The following C10orf71 variants were observed in gnomAD, a reference collection of about 807,000 sequenced individuals.
C10orf71 encodes chromosome 10 open reading frame 71.
For missense variants in C10orf71, 1,869 were observed against 1,804.5 expected (o/e 1.04, Z -0.65); for synonymous variants, 758 against 726.3 (o/e 1.04, Z -0.70).
rs191639525 is a variant in C10orf71 at position 49,318,275 on chromosome 10, C to G, written c.-145+2028C>G. On this transcript the variant is annotated intron_variant, in intron 2 of 2. Coordinates refer to ENST00000374144, the MANE Select transcript of C10orf71 (RefSeq NM_001135196.2). The stretch of plus-strand genomic sequence containing the variant: ...ACCACAGCCATGTCCTCTGGCCATG[C>G]TAGCTGCATGGGAGTCTGAAGACCG... 1.8e-4 allele frequency among the ~76,000 whole-genome samples: 28 copies of G among 152,372 alleles called. No individual in the cohort carries two copies. The East Asian group carries it at 5.4e-3, about 29-fold the overall frequency.
chr10:49,320,161 G>T (rs1343597021), intron 2 of C10orf71, among the ~76,000 whole-genome samples: 1 of 152,132 alleles, frequency 6.6e-6, no homozygotes, highest in Non-Finnish European at 1.5e-5. Context: ...AAAAGGAAAG[G>T]GCTATAACAG....
At chr10:49,300,118 T>C (rs151054846) in intron 1 of C10orf71, among the ~76,000 whole-genome samples, 3 of 152,130 alleles carry the variant, frequency 2.0e-5, no homozygotes, top group African/African-American at 7.2e-5. Flanking sequence ...AGAAAAATCA[T>C]TGTGTAGGCC....
chr10:49,313,564 T>C (rs987888785), intron 1 of C10orf71, among the ~76,000 whole-genome samples: 1 of 152,136 alleles, frequency 6.6e-6, no homozygotes, highest in African/African-American at 2.4e-5. Flanking sequence ...GCTGCTGCAG[T>C]GGCCCAAGGA....
rs866875199 is a variant in C10orf71 at position 49,327,021 on chromosome 10, C to T, written c.*168C>T. On this transcript the variant is annotated 3_prime_UTR_variant, in exon 3 of 3. Coordinates refer to ENST00000374144, the MANE Select transcript of C10orf71 (RefSeq NM_001135196.2). ...ATAAAGTCCAGAAGGCAGTAGGGAT[C>T]CCAAGACGACCTCACCCAAAGGGCT... The T allele has an allele frequency of 1.3e-6, 2 of 1,587,334 alleles. No homozygotes were observed. Among genetic ancestry groups the T allele is most frequent in the African/African-American group, 1.3e-5 (1 of 74,118 alleles).
At chr10:49,307,254 C>T (rs1186615921) in intron 1 of C10orf71, among the ~76,000 whole-genome samples, 3 of 152,204 alleles carry the variant, frequency 2.0e-5, no homozygotes, top group Non-Finnish European at 4.4e-5. Flanking sequence ...TCTGAGCTCA[C>T]GAGGAGAAGC....
At chr10:49,300,951 G>A (rs904496426) in intron 1 of C10orf71, among the ~76,000 whole-genome samples, 1 of 152,156 alleles carries the variant, frequency 6.6e-6, no homozygotes, top group Non-Finnish European at 1.5e-5. Context: ...GCCAGAGATG[G>A]CCTTGCATCC....
At chr10:49,317,124 G>A (rs938353845) in intron 2 of C10orf71, among the ~76,000 whole-genome samples, 5 of 152,054 alleles carry the variant, frequency 3.3e-5, no homozygotes, top group Admixed American at 6.5e-5. Flanking sequence ...TGCCAAGATC[G>A]GAATCCCAGC....
At chr10:49,317,934 C>T (rs1849026905) in intron 2 of C10orf71, among the ~76,000 whole-genome samples, 1 of 152,112 alleles carries the variant, frequency 6.6e-6, no homozygotes, top group African/African-American at 2.4e-5. Context: ...GATGTGAAGA[C>T]ACAGGGAGAA....
Position 49,323,644 on chromosome 10 carries a change from A to C in C10orf71, c.1099A>C (p.Ser367Arg), listed in dbSNP as rs763937884. 6.2e-7 allele frequency: 1 copy of C among 1,607,202 alleles called. No individual in the cohort carries two copies. The highest frequency in any genetic ancestry group is 8.5e-7 in the Non-Finnish European group (1 of 1,177,958). ...QVFAVEGKAP[S>R]SQPDSQEKPA... is the part of the protein sequence containing the mutation. ...ATTTGCTGTGGAAGGAAAAGCTCCC[A>C]GCTCACAACCTGATTCTCAAGAGAA... is the stretch of plus-strand genomic sequence containing the variant. Residue 367 changes from serine to arginine, a missense_variant, in exon 3 of 3, where the codon AGC becomes CGC. Transcript: ENST00000374144.
At chr10:49,306,264 C>T (rs758583906) in intron 1 of C10orf71, among the ~76,000 whole-genome samples, 2 of 152,204 alleles carry the variant, frequency 1.3e-5, no homozygotes, top group African/African-American at 2.4e-5. Flanking sequence ...CCACAGGGAC[C>T]GATTCCATGA....
chr10:49,325,603 C>T lies in C10orf71; in HGVS notation c.3058C>T (p.Pro1020Ser). 2.6e-6 allele frequency: 4 copies of T among 1,552,016 alleles called. No individual in the cohort carries two copies. Among genetic ancestry groups the T allele is most frequent in the Non-Finnish European group, 2.6e-6 (3 of 1,147,046 alleles). Residue 1020 changes from proline (P) to serine (S), a missense_variant, in exon 3 of 3, where the codon CCC becomes TCC. By Grantham distance (74) the Pro-to-Ser change is moderately conservative (BLOSUM62 -1). Coordinates refer to ENST00000374144, the MANE Select transcript of C10orf71 (RefSeq NM_001135196.2). ...AGAAGACCAGCCACCCCCATGGCAG[C>T]CCGAAAACTGTTGGGAAGAGCAAAC... ...DIEDQPPPWQ[P>S]ENCWEEQTPG...
intron 1 of C10orf71, among the ~76,000 whole-genome samples, chr10:49,300,614 T>C (rs1848712163): frequency 6.6e-6 from 1 of 152,154 alleles, no homozygotes; most frequent in South Asian, 2.1e-4. Context: ...ATGTCCAGTT[T>C]GCTGTCACGG....
intron 1 of C10orf71, among the ~76,000 whole-genome samples, chr10:49,310,600 G>A (rs1848893766): frequency 6.6e-6 from 1 of 152,166 alleles, no homozygotes; most frequent in Non-Finnish European, 1.5e-5. Flanking sequence ...TGCCTCAGAG[G>A]AGTCATGAGA....
At chr10:49,321,844 T>A (rs576391621) in intron 2 of C10orf71, among the ~76,000 whole-genome samples, 105 of 152,352 alleles carry the variant, frequency 6.9e-4, no homozygotes, top group African/African-American at 2.4e-3. Context: ...GCCATTTCTA[T>A]GTCTTCTTTG....
intron 1 of C10orf71, among the ~76,000 whole-genome samples, chr10:49,307,433 G>C (rs1349879008): frequency 6.6e-6 from 1 of 152,260 alleles, no homozygotes; most frequent in Non-Finnish European, 1.5e-5. Context: ...AGCCCATCTG[G>C]CCACCAGGAG....
rs753279362 is a variant in C10orf71 at position 49,324,651 on chromosome 10, C to G, written c.2106C>G (p.Leu702=). 1.9e-6 allele frequency: 3 copies of G among 1,613,568 alleles called. No homozygotes were observed. Among genetic ancestry groups the G allele is most frequent in the South Asian group, 1.1e-5 (1 of 91,008 alleles). Residue 702 remains leucine, a synonymous_variant, in exon 3 of 3, where the codon CTC becomes CTG. Transcript: ENST00000374144. ...ACCAGAAATTCTTCCCAGGGCCCCTCTCTCCTGAGGAGGAAGATGTGTTTT... is the reference window on the plus strand; with the variant it reads ...ACCAGAAATTCTTCCCAGGGCCCCTGTCTCCTGAGGAGGAAGATGTGTTTT... ...HLNQKFFPGP[L]SPEEEDVFYS...
rs41281949 is a variant in C10orf71 at position 49,323,092 on chromosome 10, A to G, written c.547A>G (p.Ser183Gly). 1.2e-6 allele frequency: 2 copies of G among 1,614,024 alleles called. No homozygotes were observed. The highest frequency in any genetic ancestry group is 1.1e-5 in the South Asian group (1 of 91,086). Residue 183 changes from serine to glycine, a missense_variant, in exon 3 of 3, where the codon AGT (serine) becomes GGT (glycine). Coordinates refer to ENST00000374144, the MANE Select transcript of C10orf71 (RefSeq NM_001135196.2). ...PPKFAPLPEN[S>G]VNFCFDSAFL... ...CAAATTCGCTCCTCTTCCAGAAAAC[A>G]GTGTCAACTTCTGCTTCGATTCTGC... is the stretch of plus-strand genomic sequence containing the variant.
chr10:49,322,241 C>A (rs1168110141), intron 2 of C10orf71, among the ~76,000 whole-genome samples, 161 bp from the exon 3 acceptor site: 1 of 152,164 alleles, frequency 6.6e-6, no homozygotes, highest in Non-Finnish European at 1.5e-5. Context: ...AATACCTTCA[C>A]AGAAACAGCT....
Position 49,326,922 on chromosome 10 carries a change from G to GAAA in C10orf71, c.*69_*70insAAA. The GAAA allele has an allele frequency of 3.8e-6, 2 of 525,562 alleles. No individual in the cohort carries two copies. The highest frequency in any genetic ancestry group is 5.1e-6 in the Non-Finnish European group (2 of 392,504). 32.6% of individuals were successfully genotyped at this position (525,562 alleles called of 1,614,324 possible). A position where few individuals can be genotyped will look rare whatever the true frequency, so the allele number is the denominator to read the frequency against. ...CTTACTTCCCCCTCCCCCAAAACAA[G>GAAA]CAACACACACACACACACACACACA... On this transcript the variant is annotated 3_prime_UTR_variant, in exon 3 of 3. Coordinates refer to ENST00000374144, the MANE Select transcript of C10orf71 (RefSeq NM_001135196.2).
Sources: gnomAD v4.1 joint callset for allele counts (sites outside exome capture counted in the v4.1 genomes callset) on GRCh38, gnomAD v4.1.1 for gene constraint, MANE v1.5 for transcripts, NCBI Gene and HGNC (gene_info 2026-07-23, HGNC 2026-07-21) for gene names.